SPAG16: variants seen among roughly 807,000 people sequenced by gnomAD.
SPAG16 encodes sperm-associated antigen 16 protein.
A neutral mutation model predicts 80.4 loss-of-function variants in SPAG16; 86 were observed. The ratio of observed to expected loss-of-function variants is 1.07; its 90% CI spans 0.90 to 1.28. The LOEUF (loss-of-function observed/expected upper bound fraction) is 1.28. Ranked by LOEUF, SPAG16 falls within the 50% of genes most tolerant of loss-of-function variation. The pLI, the probability that SPAG16 is intolerant of heterozygous loss-of-function variation, is 0.00. For synonymous variants in SPAG16, 294 were observed against 265.9 expected, an observed-to-expected ratio of 1.11 and a Z score of -1.03; for missense variants, 870 against 765.3, an observed-to-expected ratio of 1.14 and a Z score of -1.61.
intron 15 of SPAG16, among the ~76,000 whole-genome samples, chr2:214,150,265 C>G (rs1440995801): frequency 6.6e-6 from 1 of 152,010 alleles, no homozygotes; most frequent in Non-Finnish European, 1.5e-5. Flanking sequence ...ATATTGCCAT[C>G]ACATATCTGA....
At chr2:213,836,246 T>A (rs2074073316) in intron 10 of SPAG16, among the ~76,000 whole-genome samples, 1 of 139,392 alleles carries the variant, frequency 7.2e-6, no homozygotes, top group Non-Finnish European at 1.6e-5. Context: ...TATAATTACT[T>A]CTTATAATTT....
chr2:213,527,670 A>G (rs2075934638), intron 10 of SPAG16, among the ~76,000 whole-genome samples: 1 of 152,200 alleles, frequency 6.6e-6, no homozygotes, highest in Non-Finnish European at 1.5e-5. Context: ...CGAAAAACAA[A>G]AATTACACTA....
intron 10 of SPAG16, among the ~76,000 whole-genome samples, chr2:213,552,594 C>T (rs2076813523): frequency 6.6e-6 from 1 of 152,158 alleles, no homozygotes; most frequent in Non-Finnish European, 1.5e-5. Context: ...AACATATTCT[C>T]AAACAGTGAT....
chr2:213,911,569 A>G (rs1013210892), intron 11 of SPAG16, among the ~76,000 whole-genome samples: 51 of 152,346 alleles, frequency 3.3e-4, no homozygotes, highest in African/African-American at 1.2e-3. Context: ...TGCTAAATAT[A>G]ATGCTTATTA....
At chr2:214,092,592 T>C (rs1341593436) in intron 13 of SPAG16, among the ~76,000 whole-genome samples, 1 of 151,930 alleles carries the variant, frequency 6.6e-6, no homozygotes, top group Non-Finnish European at 1.5e-5. Context: ...TCCTGTTACC[T>C]TATTTATTGT....
intron 11 of SPAG16, among the ~76,000 whole-genome samples, chr2:213,883,038 T>C (rs1156955972): frequency 6.6e-6 from 1 of 152,154 alleles, no homozygotes; most frequent in Non-Finnish European, 1.5e-5. Flanking sequence ...GCTAATTTTT[T>C]TGTATTTTTA....
chr2:213,844,613 T>G (rs1465163520), intron 10 of SPAG16, among the ~76,000 whole-genome samples: 1 of 152,218 alleles, frequency 6.6e-6, no homozygotes, highest in Non-Finnish European at 1.5e-5. Context: ...GTTCTTGTTT[T>G]TTGATTTACG....
chr2:213,318,263 C>T (rs771275606), intron 5 of SPAG16, among the ~76,000 whole-genome samples: 28 of 151,916 alleles, frequency 1.8e-4, no homozygotes, highest in Non-Finnish European at 3.7e-4. Context: ...AAGTGTCCAT[C>T]AGCAGATGAT....
At chr2:213,583,581 G>A (rs1382495474) in intron 10 of SPAG16, among the ~76,000 whole-genome samples, 5 of 152,092 alleles carry the variant, frequency 3.3e-5, no homozygotes, top group Admixed American at 2.0e-4. Flanking sequence ...TTGTGTTAGA[G>A]GCAAATAACA....
chr2:213,355,492 G>A lies in SPAG16; in HGVS notation c.762+4847G>A, dbSNP rs142360570. ...TTCAAGATATTGATTGTTCCTATCC[G>A]TGAGCATGGAATGTTCTTCCATTTG... On this transcript the variant is annotated intron_variant, in intron 7 of 15. Transcript: ENST00000331683. Among the ~76,000 whole-genome samples, 639 of 152,182 alleles carry A rather than the reference G, an allele frequency of 4.2e-3. 6 individuals carry two copies. The highest frequency in any genetic ancestry group is 0.015 in the African/African-American group (606 of 41,538).
In SPAG16 at chr2:213,826,312, T is replaced by C. The variant is rs566723144; in HGVS notation, c.1071-36173T>C. On this transcript the variant is annotated intron_variant, in intron 10 of 15. Transcript: ENST00000331683. ...ACTTTGGGTTTGGTTTGCTCTTTTG[T>C]AGTTCTTTAAGATACATCATGAGGT... is the stretch of plus-strand genomic sequence containing the variant. 2.0e-5 allele frequency among the ~76,000 whole-genome samples: 3 copies of C among 152,034 alleles called. No individual in the cohort carries two copies. In the East Asian group the frequency reaches 5.8e-4, roughly 29 times the overall value.
intron 15 of SPAG16, among the ~76,000 whole-genome samples, chr2:214,380,149 A>AAAT (rs1370953271): frequency 6.6e-6 from 1 of 152,196 alleles, no homozygotes; most frequent in Non-Finnish European, 1.5e-5. Flanking sequence ...TATTCAAGAA[A>AAAT]AATTACAGAA....
At chr2:213,352,747 G>T (rs2125056594) in intron 7 of SPAG16, among the ~76,000 whole-genome samples, 1 of 152,292 alleles carries the variant, frequency 6.6e-6, no homozygotes, top group South Asian at 2.1e-4. Flanking sequence ...TGATCTATGA[G>T]TTAGAGTTGA....
intron 13 of SPAG16, among the ~76,000 whole-genome samples, chr2:214,066,899 A>G (rs539446331): frequency 6.6e-6 from 1 of 152,306 alleles, no homozygotes; most frequent in East Asian, 1.9e-4. Context: ...ATTTTCAGGT[A>G]CTAAGTTTGT....
At chr2:214,141,441 C>T (rs955782358) in intron 14 of SPAG16, among the ~76,000 whole-genome samples, 2 of 148,694 alleles carry the variant, frequency 1.3e-5, no homozygotes, top group Non-Finnish European at 3.0e-5. Flanking sequence ...CACTCCAGCC[C>T]GGGTGACAGA....
At chr2:213,707,970 G>A in intron 10 of SPAG16, among the ~76,000 whole-genome samples, 1 of 151,956 alleles carries the variant, frequency 6.6e-6, no homozygotes, top group Non-Finnish European at 1.5e-5. Context: ...ATCTTTCTAG[G>A]TTACAAATCA....
chr2:214,185,262 G>A (rs563484849), intron 15 of SPAG16, among the ~76,000 whole-genome samples: 11 of 152,044 alleles, frequency 7.2e-5, no homozygotes, highest in Admixed American at 2.0e-4. Context: ...GTTATTATAT[G>A]CATAAAATGA....
intron 10 of SPAG16, among the ~76,000 whole-genome samples, chr2:213,643,767 C>CTTTTTTTTTT (rs71063764): frequency 3.8e-5 from 2 of 52,004 alleles, no homozygotes; most frequent in Admixed American, 2.3e-4. Context: ...CTCACTACTT[C>CTTTTTTTTTT]TTTTTTTTTT....
chr2:213,525,249 T>C (rs943920214), intron 10 of SPAG16, among the ~76,000 whole-genome samples: 3 of 151,582 alleles, frequency 2.0e-5, no homozygotes, highest in African/African-American at 7.3e-5. Context: ...CCCAGCCCTG[T>C]GGAACTGTAA....
Sources: gnomAD v4.1 joint callset for allele counts (sites outside exome capture counted in the v4.1 genomes callset) on GRCh38, gnomAD v4.1.1 for gene constraint, MANE v1.5 for transcripts, NCBI Gene and HGNC (gene_info 2026-07-23, HGNC 2026-07-21) for gene names.